SGCZ: variants seen among roughly 807,000 people sequenced by gnomAD.
The protein encoded by SGCZ is zeta-sarcoglycan.
Under a neutral mutation model 41.3 loss-of-function variants are expected in SGCZ, and 40 were observed. The observed-to-expected ratio is 0.97, with a 90% confidence interval of 0.75 to 1.26. SGCZ has a LOEUF of 1.26. Ranked by LOEUF, SGCZ falls within the 50% of genes most tolerant of loss-of-function variation. SGCZ has a pLI of 0.00. For missense variants in SGCZ, 552 were observed against 369.8 expected (o/e 1.49, Z -4.04); for synonymous variants, 206 against 137.5 (o/e 1.50, Z -3.49).
intron 1 of SGCZ, among the ~76,000 whole-genome samples, chr8:14,672,819 T>G (rs1016097922): frequency 2.6e-5 from 4 of 152,116 alleles, no homozygotes; most frequent in Non-Finnish European, 5.9e-5. Flanking sequence ...ACTCATAGAG[T>G]ATGAATAAAT....
chr8:14,916,271 A>T (rs994410439), intron 1 of SGCZ, among the ~76,000 whole-genome samples: 13 of 152,350 alleles, frequency 8.5e-5, no homozygotes, highest in African/African-American at 3.1e-4. Flanking sequence ...ACTCAAACAT[A>T]GCAGCAGTCA....
chr8:15,100,840 TTAG>T (rs1446696925), intron 1 of SGCZ, among the ~76,000 whole-genome samples: 1 of 151,998 alleles, frequency 6.6e-6, no homozygotes, highest in African/African-American at 2.4e-5. Flanking sequence ...AATAAAAAAA[TTAG>T]TTGGGCATGG....
chr8:14,784,457 A>G (rs1800689619), intron 1 of SGCZ, among the ~76,000 whole-genome samples: 1 of 152,136 alleles, frequency 6.6e-6, no homozygotes, highest in Admixed American at 6.6e-5. Context: ...CTTAAAAAAT[A>G]GTATCAAATT....
intron 1 of SGCZ, among the ~76,000 whole-genome samples, chr8:14,680,475 T>C (rs1808406435): frequency 6.6e-6 from 1 of 152,106 alleles, no homozygotes; most frequent in Non-Finnish European, 1.5e-5. Flanking sequence ...GTTCCTTTTG[T>C]TCAATTTTAC....
intron 1 of SGCZ, among the ~76,000 whole-genome samples, chr8:14,884,164 G>T (rs554443450): frequency 1.3e-5 from 2 of 152,028 alleles, no homozygotes; most frequent in African/African-American, 2.4e-5. Flanking sequence ...CAATCACAAC[G>T]TTTCTCTAAG....
At chr8:14,213,876 T>C in intron 4 of SGCZ, among the ~76,000 whole-genome samples, 1 of 152,166 alleles carries the variant, frequency 6.6e-6, no homozygotes, top group Non-Finnish European at 1.5e-5. Context: ...ACGTAATATA[T>C]GTACATACTA....
chr8:14,383,379 G>A (rs955939731), intron 2 of SGCZ, among the ~76,000 whole-genome samples: 1 of 152,200 alleles, frequency 6.6e-6, no homozygotes, highest in Non-Finnish European at 1.5e-5. Context: ...TTATGGGAAA[G>A]AAGTCTAATG....
At chr8:14,807,471 C>T (rs1357300659) in intron 1 of SGCZ, among the ~76,000 whole-genome samples, 1 of 151,962 alleles carries the variant, frequency 6.6e-6, no homozygotes, top group Non-Finnish European at 1.5e-5. Context: ...GAGTGAACTC[C>T]CATTCACAAT....
intron 1 of SGCZ, among the ~76,000 whole-genome samples, chr8:14,867,221 C>G (rs115049490): frequency 0.024 from 3,594 of 152,120 alleles, 49 homozygotes; most frequent in Middle Eastern, 0.041. Context: ...AAATAATGTT[C>G]AAACGCCTGA....
chr8:14,171,898 G>C (rs1041545358), intron 4 of SGCZ, among the ~76,000 whole-genome samples: 1 of 152,042 alleles, frequency 6.6e-6, no homozygotes. Context: ...TGAATTAAAT[G>C]CTGAACAAGA....
At chr8:15,228,599 C>G (rs115209066) in intron 1 of SGCZ, among the ~76,000 whole-genome samples, 179 of 152,196 alleles carry the variant, frequency 1.2e-3, no homozygotes, top group African/African-American at 3.6e-3. Context: ...CTGCCCTAGA[C>G]CAAAGTAACA....
intron 1 of SGCZ, among the ~76,000 whole-genome samples, chr8:14,879,464 G>C (rs17120457): frequency 0.05 from 7,554 of 151,794 alleles, 223 homozygotes; most frequent in Non-Finnish European, 0.062. Context: ...AGCTTTTTTT[G>C]AATATTTTAA....
At chr8:14,506,499 A>AC (rs1474178047) in intron 2 of SGCZ, among the ~76,000 whole-genome samples, 1 of 116,620 alleles carries the variant, frequency 8.6e-6, no homozygotes, top group Non-Finnish European at 2.0e-5. Context: ...TAACTTATTC[A>AC]TTTAAAAAAA....
chr8:14,678,847 A>G (rs112278082), intron 1 of SGCZ, among the ~76,000 whole-genome samples: 1,915 of 152,336 alleles, frequency 0.013, 33 homozygotes, highest in African/African-American at 0.031. Flanking sequence ...ATTATTTAGC[A>G]TTAAAGATAA....
intron 1 of SGCZ, among the ~76,000 whole-genome samples, chr8:15,156,991 C>T (rs1799351071): frequency 1.3e-5 from 2 of 150,502 alleles, no homozygotes; most frequent in Non-Finnish European, 1.5e-5. Flanking sequence ...GAAAAGAAAG[C>T]AAGCACTTCT....
chr8:14,369,253 T>C (rs532657832), intron 2 of SGCZ, among the ~76,000 whole-genome samples: 1 of 152,148 alleles, frequency 6.6e-6, no homozygotes, highest in African/African-American at 2.4e-5. Context: ...TGATCATACA[T>C]TGCATTTAAT....
chr8:14,181,028 G>A (rs1804707477), intron 4 of SGCZ, among the ~76,000 whole-genome samples: 1 of 152,134 alleles, frequency 6.6e-6, no homozygotes, highest in African/African-American at 2.4e-5. Flanking sequence ...TGCAAGGCCT[G>A]AATTTAGCAA....
At chr8:14,665,604 A>G (rs1438954650) in intron 1 of SGCZ, among the ~76,000 whole-genome samples, 1 of 152,222 alleles carries the variant, frequency 6.6e-6, no homozygotes, top group Non-Finnish European at 1.5e-5. Context: ...TTCAATAGAC[A>G]TTAGATATTT....
intron 1 of SGCZ, among the ~76,000 whole-genome samples, chr8:14,794,708 G>A (rs1317800524): frequency 6.6e-6 from 1 of 152,140 alleles, no homozygotes. Flanking sequence ...CGCAAAGGAT[G>A]AAAATAGGCT....
Sources: allele counts gnomAD v4.1 joint callset (sites outside exome capture counted in the v4.1 genomes callset), GRCh38; gene constraint gnomAD v4.1.1; transcripts MANE v1.5; gene names NCBI Gene and HGNC (gene_info 2026-07-23, HGNC 2026-07-21).